Variants in AGBL1 observed in about 807,000 individuals in gnomAD.
AGBL1 encodes cytosolic carboxypeptidase 4.
Under a neutral mutation model 118.9 loss-of-function variants are expected in AGBL1, and 130 were observed. The observed-to-expected ratio is 1.09, with a 90% confidence interval of 0.95 to 1.26. The LOEUF (loss-of-function observed/expected upper bound fraction) is 1.26, where lower values mean the gene tolerates loss of function less well. Among genes scored for constraint, AGBL1 ranks in the 50% most tolerant of loss-of-function variants. AGBL1 has a pLI of 0.00. For synonymous variants in AGBL1, 555 were observed against 478.9 expected, an observed-to-expected ratio of 1.16 and a Z score of -2.08; for missense variants, 1,584 against 1,298.1, an observed-to-expected ratio of 1.22 and a Z score of -3.38.
At chr15:86,137,950 C>A (rs982895739) in intron 1 of AGBL1, among the ~76,000 whole-genome samples, 1 of 152,146 alleles carries the variant, frequency 6.6e-6, no homozygotes, top group South Asian at 2.1e-4. Flanking sequence ...AGTTCTATAT[C>A]CCTGTTGGCA....
chr15:86,616,869 A>C (rs1279050592), intron 21 of AGBL1, among the ~76,000 whole-genome samples: 1 of 152,184 alleles, frequency 6.6e-6, no homozygotes, highest in Non-Finnish European at 1.5e-5. Context: ...GGCTAGTCCT[A>C]TGTCTTTAGC....
intron 24 of AGBL1, among the ~76,000 whole-genome samples, chr15:87,021,060 G>T (rs1331486499): frequency 6.6e-6 from 1 of 152,032 alleles, no homozygotes; most frequent in Admixed American, 6.6e-5. Flanking sequence ...TAAGCAAAAA[G>T]AGCAAAGCTG....
chr15:86,870,965 C>T (rs2079719453), intron 22 of AGBL1, among the ~76,000 whole-genome samples: 2 of 152,178 alleles, frequency 1.3e-5, no homozygotes, highest in South Asian at 4.1e-4. Context: ...AGAGATTGGG[C>T]TAGCTTGCCT....
chr15:86,868,864 G>A (rs1362628734), intron 22 of AGBL1, among the ~76,000 whole-genome samples: 2 of 152,040 alleles, frequency 1.3e-5, no homozygotes, highest in Non-Finnish European at 2.9e-5. Flanking sequence ...CTCAAAATTG[G>A]AAAAAAATAG....
chr15:86,510,547 T>C (rs1273390149), intron 18 of AGBL1, among the ~76,000 whole-genome samples: 1 of 152,268 alleles, frequency 6.6e-6, no homozygotes, highest in East Asian at 1.9e-4. Context: ...GCAGTAGGGA[T>C]AGAAGACTAG....
chr15:86,085,668 C>T (rs908270093), intron 1 of AGBL1, among the ~76,000 whole-genome samples: 4 of 152,212 alleles, frequency 2.6e-5, no homozygotes, highest in African/African-American at 9.6e-5. Flanking sequence ...TTACCTCATC[C>T]TAGTATCTCA....
chr15:86,267,800 G>T (rs767482800), intron 13 of AGBL1, among the ~76,000 whole-genome samples: 1 of 152,036 alleles, frequency 6.6e-6, no homozygotes, highest in Non-Finnish European at 1.5e-5. Context: ...ATACCAAAAG[G>T]CAAGATACAT....
chr15:86,998,220 T>C (rs1279416536), intron 24 of AGBL1, among the ~76,000 whole-genome samples: 1 of 152,198 alleles, frequency 6.6e-6, no homozygotes, highest in Non-Finnish European at 1.5e-5. Flanking sequence ...AGTGATAGGA[T>C]ACCACTTCAG....
At chr15:86,413,065 T>G (rs2081644146) in intron 18 of AGBL1, among the ~76,000 whole-genome samples, 1 of 152,214 alleles carries the variant, frequency 6.6e-6, no homozygotes, top group African/African-American at 2.4e-5. Flanking sequence ...TTCTAGATCC[T>G]GCCCACTAAC....
At chr15:86,866,259 T>C (rs1055556986) in intron 22 of AGBL1, among the ~76,000 whole-genome samples, 19 of 152,242 alleles carry the variant, frequency 1.2e-4, no homozygotes, top group African/African-American at 4.3e-4. Flanking sequence ...ATTTTAATAG[T>C]GACCATTATC....
intron 22 of AGBL1, among the ~76,000 whole-genome samples, chr15:86,745,469 G>T (rs572880777): frequency 3.3e-5 from 5 of 152,066 alleles, no homozygotes; most frequent in Admixed American, 3.3e-4. Flanking sequence ...GGTCTAAAAA[G>T]GAGGTGCAGA....
chr15:86,586,862 G>A (rs1276396155), intron 21 of AGBL1, among the ~76,000 whole-genome samples: 1 of 152,104 alleles, frequency 6.6e-6, no homozygotes, highest in Admixed American at 6.6e-5. Context: ...AAGTTAAGGG[G>A]GGGTCTGTTA....
At chr15:86,772,192 T>G (rs565312115) in intron 22 of AGBL1, among the ~76,000 whole-genome samples, 32 of 152,038 alleles carry the variant, frequency 2.1e-4, no homozygotes, top group African/African-American at 6.0e-4. Context: ...TAAATTGGGG[T>G]TGAGCACCTT....
chr15:86,526,818 A>G (rs537647792), intron 19 of AGBL1, among the ~76,000 whole-genome samples: 2 of 152,136 alleles, frequency 1.3e-5, no homozygotes, highest in South Asian at 2.1e-4. Context: ...GCAAAGGCAT[A>G]CAGACTGGTA....
chr15:86,164,314 C>T (rs981747701), intron 5 of AGBL1, among the ~76,000 whole-genome samples: 1 of 152,182 alleles, frequency 6.6e-6, no homozygotes, highest in Non-Finnish European at 1.5e-5. Context: ...TGTGCTACCT[C>T]TTGCTCGTTT....
At chr15:86,880,098 A>G (rs970469382) in intron 22 of AGBL1, among the ~76,000 whole-genome samples, 2 of 152,256 alleles carry the variant, frequency 1.3e-5, no homozygotes, top group Admixed American at 6.5e-5. Context: ...GAAGAAATCC[A>G]GAGCCGACAT....
intron 9 of AGBL1, among the ~76,000 whole-genome samples, chr15:86,261,483 A>C (rs1374644743): frequency 6.6e-6 from 1 of 152,224 alleles, no homozygotes; most frequent in African/African-American, 2.4e-5. Context: ...TGAAACATAG[A>C]TGGAACATTG....
rs2141929824 is a variant in AGBL1, at chr15:86,365,003, A to ATG, written c.2375-32362_2375-32361insGT. On this transcript the variant is annotated intron_variant, in intron 17 of 22. Coordinates refer to ENST00000614907, the MANE Select transcript of AGBL1 (RefSeq NM_001386094.1). ...TATATATATATACACACACACATAT[A>ATG]TATATACACACACATATATATATAC... Among the ~76,000 whole-genome samples, 6 of 137,882 alleles carry ATG rather than the reference A, an allele frequency of 4.4e-5. No homozygotes were observed. In the South Asian group the frequency reaches 1.1e-3, roughly 26 times the overall value. 90.5% of individuals were successfully genotyped at this position (137,882 alleles called of 152,430 possible).
chr15:86,916,538 T>C (rs866747097), downstream of AGBL1, among the ~76,000 whole-genome samples: 1 of 152,120 alleles, frequency 6.6e-6, no homozygotes, highest in African/African-American at 2.4e-5. Context: ...TAGGAAATGA[T>C]GGTTTTGTTC....
Sources: gnomAD v4.1 joint callset for allele counts (sites outside exome capture counted in the v4.1 genomes callset) on GRCh38, gnomAD v4.1.1 for gene constraint, MANE v1.5 for transcripts, NCBI Gene and HGNC (gene_info 2026-07-23, HGNC 2026-07-21) for gene names.